ANG: variants seen among roughly 807,000 people sequenced by gnomAD.
ANG encodes the protein angiogenin.
For synonymous variants in ANG, 74 were observed against 73.8 expected, an observed-to-expected ratio of 1.00 and a Z score of -0.02; for missense variants, 178 against 187.4, an observed-to-expected ratio of 0.95 and a Z score of 0.29.
chr14:20,693,339 T>C (rs369021947), intron 1 of ANG: 661 of 636,704 alleles, frequency 1.0e-3, no homozygotes, highest in Non-Finnish European at 1.6e-3. Flanking sequence ...GAGCTAGAGG[T>C]TGTGCTCAGG....
At position 20,694,123 on chromosome 14, in the gene ANG, G is replaced by A; in HGVS notation, c.*115G>A. 8.7e-7 allele frequency: 1 copy of A among 1,152,772 alleles called. No individual in the cohort carries two copies. The highest frequency in any genetic ancestry group is 1.8e-5 in the Admixed American group (1 of 54,418). The allele number at this position is 1,152,772 out of a possible 1,614,324, so 71.4% of individuals were successfully genotyped here. ...CAAGGGCCCAAAGAAAGAGCTACCT[G>A]GACCTTTTGTTTTCTGTTTGACAAC... On this transcript the variant is annotated 3_prime_UTR_variant, in exon 2 of 2. Transcript: ENST00000397990.
intron 1 of ANG, among the ~76,000 whole-genome samples, chr14:20,689,379 A>G (rs1886586449): frequency 6.6e-6 from 1 of 152,224 alleles, no homozygotes; most frequent in Admixed American, 6.5e-5. Flanking sequence ...CAATAAAGGG[A>G]TGAATATGCC....
upstream of ANG, among the ~76,000 whole-genome samples, chr14:20,688,065 T>C (rs145714910): frequency 1.6e-4 from 25 of 152,308 alleles, no homozygotes; most frequent in African/African-American, 3.8e-4. Flanking sequence ...GCTTTGATGA[T>C]GGAGATAAGC....
intron 1 of ANG, among the ~76,000 whole-genome samples, chr14:20,690,238 A>G (rs1230654982): frequency 1.3e-5 from 2 of 150,104 alleles, no homozygotes; most frequent in African/African-American, 2.4e-5. Context: ...AAAAAAAAAA[A>G]AAAAAAAAAA....
chr14:20,688,469 A>G (rs115726927), upstream of ANG, among the ~76,000 whole-genome samples: 94 of 152,304 alleles, frequency 6.2e-4, no homozygotes, highest in African/African-American at 2.2e-3. Flanking sequence ...CAGAGATGCT[A>G]TCTTATGGAT....
upstream of ANG, chr14:20,688,556 G>T: frequency 2.7e-6 from 1 of 372,574 alleles, no homozygotes; most frequent in Non-Finnish European, 3.7e-6. Flanking sequence ...GCAGAAAAGG[G>T]CAACTTTTGG....
At chr14:20,691,941 C>T (rs564992090) in intron 1 of ANG, among the ~76,000 whole-genome samples, 1 of 152,314 alleles carries the variant, frequency 6.6e-6, no homozygotes, top group East Asian at 1.9e-4. Context: ...GGCCTAGTGC[C>T]AGGACCCATG....
intron 1 of ANG, 127 bp downstream of exon 1, chr14:20,689,001 C>T (rs767809814): frequency 2.6e-6 from 1 of 386,604 alleles, no homozygotes; most frequent in Non-Finnish European, 3.5e-6. Flanking sequence ...GGATCAGATT[C>T]TAAAGTTTAA....
upstream of ANG, chr14:20,684,524 C>T (rs1442395733): frequency 1.3e-5 from 2 of 152,360 alleles, no homozygotes; most frequent in African/African-American, 2.4e-5. Flanking sequence ...GCGGTCCCAA[C>T]TACGCAGAGG....
chr14:20,693,912 C>G lies in ANG; in HGVS notation c.348C>G (p.Cys116Trp). 6.2e-7 allele frequency: 1 copy of G among 1,614,168 alleles called. No individual in the cohort carries two copies. The highest frequency in any genetic ancestry group is 8.5e-7 in the Non-Finnish European group (1 of 1,180,030). ...KLHGGSPWPP[C>W]QYRATAGFRN... The stretch of plus-strand genomic sequence containing the variant: ...ATGGAGGTTCCCCCTGGCCTCCATG[C>G]CAGTACCGAGCCACAGCGGGGTTCA... Residue 116 changes from cysteine (C) to tryptophan (W), a missense_variant, in exon 2 of 2, where the codon TGC (cysteine) becomes TGG (tryptophan). Physicochemically the swap from Cys to Trp is radical, Grantham distance 215. Coordinates refer to ENST00000397990, the MANE Select transcript of ANG (RefSeq NM_001097577.3).
upstream of ANG, chr14:20,684,563 A>T (rs1325106748): frequency 6.6e-6 from 1 of 152,044 alleles, no homozygotes; most frequent in Non-Finnish European, 1.5e-5. Context: ...ACACCTCACC[A>T]CGCCCCCATC....
chr14:20,690,005 G>T (rs1886640183), intron 1 of ANG, among the ~76,000 whole-genome samples: 1 of 148,246 alleles, frequency 6.7e-6, no homozygotes, highest in Admixed American at 6.7e-5. Context: ...CATGAGGTCA[G>T]GAGATCGAGA....
chr14:20,689,037 G>C (rs989532030), intron 1 of ANG, among the ~76,000 whole-genome samples, 163 bp downstream of exon 1: 1 of 152,154 alleles, frequency 6.6e-6, no homozygotes, highest in African/African-American at 2.4e-5. Flanking sequence ...CTTTTGGGAT[G>C]GCCTATGTGT....
chr14:20,689,481 A>G (rs984528002), intron 1 of ANG, among the ~76,000 whole-genome samples: 1 of 152,256 alleles, frequency 6.6e-6, no homozygotes, highest in African/African-American at 2.4e-5. Flanking sequence ...ATAGTTACTC[A>G]TCATAAACTG....
At chr14:20,685,905 T>C (rs1397474937), upstream of ANG, among the ~76,000 whole-genome samples, 1 of 151,922 alleles carries the variant, frequency 6.6e-6, no homozygotes, top group East Asian at 1.9e-4. Flanking sequence ...CCGGGCACGG[T>C]GGTGAGCACC....
intron 1 of ANG, 26 bp from the exon 2 acceptor site, chr14:20,693,513 TTGGGTCTA>T: frequency 1.2e-6 from 2 of 1,605,814 alleles, no homozygotes; most frequent in South Asian, 2.2e-5. Context: ...GATGCTGTTC[TTGGGTCTA>T]CCACACCTCC....
intron 1 of ANG, among the ~76,000 whole-genome samples, chr14:20,689,281 T>C (rs906762149): frequency 5.3e-5 from 8 of 152,218 alleles, no homozygotes; most frequent in African/African-American, 1.9e-4. Flanking sequence ...CTTAGAAAAG[T>C]TTTGGATGCT....
upstream of ANG, among the ~76,000 whole-genome samples, chr14:20,687,138 T>C (rs1886464326): frequency 6.6e-6 from 1 of 152,270 alleles, no homozygotes; most frequent in African/African-American, 2.4e-5. Context: ...TCCTTAATCA[T>C]AGAATATAAT....
intron 1 of ANG, among the ~76,000 whole-genome samples, chr14:20,692,926 C>T (rs962447447): frequency 2.6e-5 from 4 of 152,166 alleles, no homozygotes; most frequent in Non-Finnish European, 4.4e-5. Context: ...CGGCTCACTG[C>T]AAGCTCCGCC....
Sources: allele counts gnomAD v4.1 joint callset (sites outside exome capture counted in the v4.1 genomes callset), GRCh38; gene constraint gnomAD v4.1.1; transcripts MANE v1.5; gene names NCBI Gene and HGNC (gene_info 2026-07-23, HGNC 2026-07-21).